Variants in KIF26B observed in about 807,000 individuals in gnomAD.
The protein encoded by KIF26B is kinesin family member 26B.
KIF26B carries 63 observed loss-of-function variants against 151.2 expected under a neutral mutation model. The ratio of observed to expected loss-of-function variants is 0.42; its 90% CI spans 0.34 to 0.51. The LOEUF is 0.51. KIF26B is among the 20% of genes least tolerant of loss of function. KIF26B has a pLI of 0.07. For synonymous variants in KIF26B, 1,357 were observed against 1,262.1 expected, an observed-to-expected ratio of 1.08 and a Z score of -1.59; for missense variants, 2,813 against 2,913.6, an observed-to-expected ratio of 0.97 and a Z score of 0.79.
intron 5 of KIF26B, among the ~76,000 whole-genome samples, chr1:245,600,277 A>G (rs2043381427): frequency 7.5e-6 from 1 of 134,060 alleles, no homozygotes; most frequent in African/African-American, 2.7e-5. Context: ...TGACCTTGTG[A>G]TCCGCCCGCC....
At chr1:245,457,730 T>C in intron 4 of KIF26B, among the ~76,000 whole-genome samples, 1 of 152,228 alleles carries the variant, frequency 6.6e-6, no homozygotes, top group African/African-American at 2.4e-5. Flanking sequence ...TCTCATTCAA[T>C]ATTATATATT....
chr1:245,587,100 C>T (rs1344079356), intron 5 of KIF26B, among the ~76,000 whole-genome samples: 6 of 152,184 alleles, frequency 3.9e-5, no homozygotes, highest in Non-Finnish European at 8.8e-5. Flanking sequence ...CTTGCAGGTT[C>T]CAAGACACCG....
chr1:245,662,328 GAT>G (rs144630134), intron 10 of KIF26B, among the ~76,000 whole-genome samples: 74 of 145,248 alleles, frequency 5.1e-4, no homozygotes, highest in African/African-American at 1.7e-3. Flanking sequence ...CACACCTAAT[GAT>G]ATATACACAC....
rs540608323 is a variant in KIF26B, at chr1:245,517,857, T to C, written c.1167-22910T>C. ...GTATGCACAGGACCATGAAAGTGAA[T>C]GGTGTCATGTAATTTTTTTTTTTTT... On this transcript the variant is annotated intron_variant, in intron 4 of 14. Transcript: ENST00000407071. Among the ~76,000 whole-genome samples the C allele has an allele frequency of 5.5e-4, 82 of 149,322 alleles. 2 individuals are homozygous for C. The South Asian group carries it at 8.0e-3, about 14-fold the overall frequency.
intron 2 of KIF26B, among the ~76,000 whole-genome samples, chr1:245,237,281 G>C (rs748279098): frequency 3.9e-5 from 6 of 152,192 alleles, no homozygotes; most frequent in Non-Finnish European, 8.8e-5. Context: ...CTACGACTTA[G>C]AGCAGATGTG....
intron 4 of KIF26B, among the ~76,000 whole-genome samples, chr1:245,446,442 T>C (rs1659252621): frequency 6.6e-6 from 1 of 152,152 alleles, no homozygotes; most frequent in African/African-American, 2.4e-5. Context: ...AAGCCAAGTA[T>C]AAGAAGCTGT....
chr1:245,503,396 A>C (rs952499746), intron 4 of KIF26B, among the ~76,000 whole-genome samples: 2 of 152,214 alleles, frequency 1.3e-5, no homozygotes, highest in Non-Finnish European at 2.9e-5. Context: ...ATGAGTTTTT[A>C]AGATATTGGC....
Position 245,601,610 on chromosome 1 carries a change from C to T in KIF26B, c.1351-967C>T, listed in dbSNP as rs140302044. On this transcript the variant is annotated intron_variant, in intron 5 of 14. Transcript: ENST00000407071. This position sits in a 1 kb window ranked among gnomAD's most constrained non-coding sequence, Gnocchi z 4.4. ...TCTGTGTCTATCCTGCTACTCTATG[C>T]ATTACATATCTTTGCATCCCCCATG... Among the ~76,000 whole-genome samples, 100 of 152,318 alleles carry T rather than the reference C, an allele frequency of 6.6e-4. No individual in the cohort carries two copies. In the East Asian group the frequency reaches 0.014, roughly 22 times the overall value.
chr1:245,696,332 C>A (rs2044692709), intron 12 of KIF26B, among the ~76,000 whole-genome samples: 1 of 152,198 alleles, frequency 6.6e-6, no homozygotes, highest in African/African-American at 2.4e-5. Flanking sequence ...CTAAAGCCTC[C>A]TGCCATGATG....
intron 2 of KIF26B, among the ~76,000 whole-genome samples, chr1:245,171,561 A>C (rs1668709638): frequency 2.0e-5 from 3 of 152,234 alleles, no homozygotes; most frequent in Admixed American, 1.3e-4. Flanking sequence ...AAATTCTTAC[A>C]TGGGACAAAA....
intron 4 of KIF26B, among the ~76,000 whole-genome samples, chr1:245,463,080 A>G (rs1345631000): frequency 6.6e-6 from 1 of 152,166 alleles, no homozygotes; most frequent in African/African-American, 2.4e-5. Context: ...CACTTTCTCA[A>G]CGGTGTCCTT....
chr1:245,522,128 C>G (rs999766301), intron 4 of KIF26B, among the ~76,000 whole-genome samples: 1 of 152,142 alleles, frequency 6.6e-6, no homozygotes, highest in Non-Finnish European at 1.5e-5. Context: ...CTTGGCCTCC[C>G]AAAGTGCTGG....
intron 2 of KIF26B, among the ~76,000 whole-genome samples, chr1:245,235,050 C>T (rs1295242076): frequency 6.6e-6 from 1 of 152,194 alleles, no homozygotes; most frequent in African/African-American, 2.4e-5. Context: ...GACACTGTCC[C>T]TTCGGCCTCC....
At chr1:245,291,757 C>T (rs190945323) in intron 2 of KIF26B, among the ~76,000 whole-genome samples, 1 of 152,252 alleles carries the variant, frequency 6.6e-6, no homozygotes, top group East Asian at 1.9e-4. Flanking sequence ...AAGCTGCGAC[C>T]TAAGAGGTGG....
intron 9 of KIF26B, among the ~76,000 whole-genome samples, chr1:245,627,107 A>G (rs2043731901): frequency 1.3e-5 from 2 of 152,124 alleles, no homozygotes; most frequent in South Asian, 4.1e-4. Flanking sequence ...TTTTACGTCA[A>G]TACCAGCCTG....
At chr1:245,550,073 T>C (rs898492467) in intron 5 of KIF26B, among the ~76,000 whole-genome samples, 1 of 152,152 alleles carries the variant, frequency 6.6e-6, no homozygotes, top group Non-Finnish European at 1.5e-5. Context: ...CAACCAAAAA[T>C]AGAACAATTA....
At chr1:245,364,422 C>CTTT (rs763619030) in intron 2 of KIF26B, among the ~76,000 whole-genome samples, 150 of 98,910 alleles carry the variant, frequency 1.5e-3, no homozygotes, top group Non-Finnish European at 1.7e-3. Flanking sequence ...CTCTCTCTCT[C>CTTT]TTTTTTTTTT....
rs926438680 is a variant in KIF26B at position 245,167,502 on chromosome 1, C to T, written c.465+10819C>T. On this transcript the variant is annotated intron_variant, in intron 2 of 14. Coordinates refer to ENST00000407071, the MANE Select transcript of KIF26B (RefSeq NM_018012.4). The surrounding 1 kb of genome is among the most constrained non-coding windows in gnomAD (Gnocchi z 4.2). Reference sequence around the variant, plus strand: ...TCACTACTTCCCAACCCTTCCTCCACCTAACTGGTGGCTTCACACAAGAAT... The same window carrying T: ...TCACTACTTCCCAACCCTTCCTCCATCTAACTGGTGGCTTCACACAAGAAT... 2.0e-4 allele frequency among the ~76,000 whole-genome samples: 30 copies of T among 152,192 alleles called. No homozygotes were observed. The highest frequency in any genetic ancestry group is 2.6e-4 in the Non-Finnish European group (18 of 68,036).
At chr1:245,610,122 T>C (rs1051366674) in intron 8 of KIF26B, among the ~76,000 whole-genome samples, 11 of 152,102 alleles carry the variant, frequency 7.2e-5, no homozygotes, top group African/African-American at 2.7e-4. Context: ...TTCATTCATA[T>C]CCAGAATAAT....
Sources: gnomAD v4.1 joint callset for allele counts (sites outside exome capture counted in the v4.1 genomes callset) on GRCh38, gnomAD v4.1.1 for gene constraint, Gnocchi (gnomAD v3.1) non-coding constraint, MANE v1.5 for transcripts, NCBI Gene and HGNC (gene_info 2026-07-23, HGNC 2026-07-21) for gene names.